CYFIP2: variants seen among roughly 807,000 people sequenced by gnomAD.
CYFIP2 encodes cytoplasmic FMR1-interacting protein 2.
Under a neutral mutation model 158.7 loss-of-function variants are expected in CYFIP2, and 29 were observed. The ratio of observed to expected loss-of-function variants is 0.18; its 90% CI spans 0.14 to 0.25. The LOEUF (loss-of-function observed/expected upper bound fraction) is 0.25, where lower values mean the gene tolerates loss of function less well. CYFIP2 is among the 10% of genes least tolerant of loss of function. The pLI is 1.00. For synonymous variants in CYFIP2, 585 were observed against 617.6 expected (o/e 0.95, Z 0.78); for missense variants, 852 against 1,639.5 (o/e 0.52, Z 8.29).
In CYFIP2 at chr5:157,266,210, C is replaced by T. The variant is rs1388070748; in HGVS notation, c.-24+15C>T. 2.7e-5 allele frequency: 4 copies of T among 150,930 alleles called. No homozygotes were observed. Among genetic ancestry groups the T allele is most frequent in the African/African-American group, 2.4e-5 (1 of 41,306 alleles). 9.3% of individuals were successfully genotyped at this position (150,930 alleles called of 1,614,324 possible). A position where few individuals can be genotyped will look rare whatever the true frequency, so the allele number is the denominator to read the frequency against. On this transcript the variant is annotated intron_variant, in intron 1 of 30. Coordinates refer to ENST00000620254, the MANE Select transcript of CYFIP2 (RefSeq NM_001037333.3). This position sits in a 1 kb window ranked among gnomAD's most constrained non-coding sequence, Gnocchi z 4.2. ...CGCAGAGCCAGGTAAGCGGCCCTCG[C>T]AGGCCTCGGGCCGGGCACGGGGACT...
intron 1 of CYFIP2, among the ~76,000 whole-genome samples, chr5:157,283,854 G>T (rs1369771960): frequency 6.6e-6 from 1 of 152,066 alleles, no homozygotes; most frequent in Non-Finnish European, 1.5e-5. Flanking sequence ...TGTGTTGATG[G>T]TCCTTTTCCC....
At chr5:157,375,924 G>T (rs183009388) in intron 26 of CYFIP2, 3 of 152,020 alleles carry the variant, frequency 2.0e-5, no homozygotes, top group Non-Finnish European at 2.9e-5. Context: ...GACTTGAATC[G>T]GCCTTTTCTC....
At chr5:157,326,703 T>C (rs1581066204) in intron 18 of CYFIP2, among the ~76,000 whole-genome samples, 1 of 152,088 alleles carries the variant, frequency 6.6e-6, no homozygotes, top group Admixed American at 6.6e-5. Context: ...TCAGAACTGG[T>C]TCTAGAAGGG....
intron 11 of CYFIP2, among the ~76,000 whole-genome samples, chr5:157,314,072 A>T (rs940141296): frequency 6.6e-6 from 1 of 152,162 alleles, no homozygotes; most frequent in African/African-American, 2.4e-5. Context: ...AGAAGAATAA[A>T]AGAAAAACAT....
In CYFIP2 at chr5:157,314,340, C is replaced by T. The variant is rs1759968224; in HGVS notation, c.1111-4C>T. The stretch of plus-strand genomic sequence containing the variant: ...CCATGAGTATGACACCTGATGCTCC[C>T]CAGGTGGTGACGGGCTCAGGGCTGG... On this transcript the variant is annotated splice_region_variant and splice_polypyrimidine_tract_variant and intron_variant, in intron 11 of 30. Coordinates refer to ENST00000620254, the MANE Select transcript of CYFIP2 (RefSeq NM_001037333.3). 3.1e-6 allele frequency: 5 copies of T among 1,613,146 alleles called. No homozygotes were observed. The highest frequency in any genetic ancestry group is 1.3e-5 in the African/African-American group (1 of 74,856).
At chr5:157,325,974 T>G in intron 17 of CYFIP2, 197 bp from the exon 18 acceptor site, 1 of 576,486 alleles carries the variant, frequency 1.7e-6, no homozygotes, top group South Asian at 2.3e-5. Context: ...TGGTTTTATT[T>G]GCACCCTGGA....
intron 5 of CYFIP2, among the ~76,000 whole-genome samples, chr5:157,297,498 T>C (rs1475787543): frequency 6.6e-6 from 1 of 152,226 alleles, no homozygotes; most frequent in Non-Finnish European, 1.5e-5. Flanking sequence ...AAGAGCCAAG[T>C]AGGACCCTGG....
At chr5:157,363,401 A>G (rs1031134864) in intron 26 of CYFIP2, 7 of 152,402 alleles carry the variant, frequency 4.6e-5, no homozygotes, top group African/African-American at 7.2e-5. Flanking sequence ...GAGTTTTACC[A>G]TTTTTATTCC....
At chr5:157,304,067 G>T (rs1347068754) in intron 7 of CYFIP2, among the ~76,000 whole-genome samples, 171 bp from the exon 8 acceptor site, 2 of 152,186 alleles carry the variant, frequency 1.3e-5, no homozygotes, top group East Asian at 3.9e-4. Flanking sequence ...GGACATCAAG[G>T]AGAGGATTCA....
At chr5:157,298,046 C>T (rs922285547) in intron 5 of CYFIP2, among the ~76,000 whole-genome samples, 3 of 152,304 alleles carry the variant, frequency 2.0e-5, no homozygotes, top group African/African-American at 7.2e-5. Context: ...GCTGGTTGGG[C>T]CTCTCAGGCC....
At chr5:157,383,699 C>G (rs1401930402) in intron 28 of CYFIP2, 2 of 192,986 alleles carry the variant, frequency 1.0e-5, no homozygotes, top group East Asian at 2.3e-4. Context: ...GCCAGCAGTT[C>G]ACTTCTGGAT....
At chr5:157,299,823 A>G (rs183078013) in intron 5 of CYFIP2, among the ~76,000 whole-genome samples, 127 of 152,286 alleles carry the variant, frequency 8.3e-4, no homozygotes, top group Non-Finnish European at 1.1e-3. Flanking sequence ...AATCACTGGA[A>G]CCTGAGAGGC....
At chr5:157,332,142 C>T (rs1761510366) in intron 20 of CYFIP2, among the ~76,000 whole-genome samples, 1 of 152,176 alleles carries the variant, frequency 6.6e-6, no homozygotes, top group African/African-American at 2.4e-5. Flanking sequence ...TCAGCAGAAA[C>T]ACTTATGGGA....
chr5:157,327,957 G>A lies in CYFIP2; in HGVS notation c.2080-16G>A. 1 of 1,613,300 alleles carries A rather than the reference G, an allele frequency of 6.2e-7. No homozygotes were observed. The highest frequency in any genetic ancestry group is 8.5e-7 in the Non-Finnish European group (1 of 1,179,462). On this transcript the variant is annotated splice_polypyrimidine_tract_variant and intron_variant, in intron 18 of 30. Transcript: ENST00000620254. The stretch of plus-strand genomic sequence containing the variant: ...TGAACGGGCACCAGTGATGTTTCCT[G>A]CTTCCTCTCCACCAGGTGAACCTGT...
intron 1 of CYFIP2, among the ~76,000 whole-genome samples, chr5:157,283,267 A>G (rs1757131614): frequency 1.3e-5 from 2 of 152,252 alleles, no homozygotes; most frequent in South Asian, 2.1e-4. Flanking sequence ...AGTACTTCGC[A>G]TAGTGTCTGA....
chr5:157,269,784 T>C (rs1755929136), intron 1 of CYFIP2, among the ~76,000 whole-genome samples: 1 of 152,238 alleles, frequency 6.6e-6, no homozygotes. Context: ...AGGCACTTTG[T>C]GATTCACAGA....
intron 28 of CYFIP2, among the ~76,000 whole-genome samples, chr5:157,388,241 T>C (rs1371773529): frequency 6.6e-6 from 1 of 152,232 alleles, no homozygotes; most frequent in Non-Finnish European, 1.5e-5. Flanking sequence ...ATGTTTTGAC[T>C]CATAACATGT....
intron 27 of CYFIP2, 79 bp downstream of exon 27, chr5:157,382,741 A>T (rs1766254056): frequency 7.1e-7 from 1 of 1,400,440 alleles, no homozygotes; most frequent in Non-Finnish European, 1.0e-6. Context: ...GTCAACTCAG[A>T]TCTAGTCAGC....
At chr5:157,277,856 C>G (rs937267167) in intron 1 of CYFIP2, among the ~76,000 whole-genome samples, 10 of 152,274 alleles carry the variant, frequency 6.6e-5, no homozygotes, top group Admixed American at 6.5e-4. Flanking sequence ...TTACACAAAC[C>G]TGGATGGCAT....
Sources: gnomAD v4.1 joint callset for allele counts (sites outside exome capture counted in the v4.1 genomes callset) on GRCh38, gnomAD v4.1.1 for gene constraint, Gnocchi (gnomAD v3.1) non-coding constraint, MANE v1.5 for transcripts, NCBI Gene and HGNC (gene_info 2026-07-23, HGNC 2026-07-21) for gene names.